HLCS: variants seen among roughly 807,000 people sequenced by gnomAD.
HLCS encodes the protein biotin--protein ligase.
HLCS carries 53 observed loss-of-function variants against 75.0 expected under a neutral mutation model. That is an observed-to-expected ratio of 0.71 (90% CI 0.57 to 0.89). The LOEUF (loss-of-function observed/expected upper bound fraction) is 0.89. Ranked by LOEUF, HLCS falls within the 40% of genes least tolerant of loss-of-function variation. The pLI, the probability that HLCS is intolerant of heterozygous loss-of-function variation, is 0.00. For missense variants in HLCS, 966 were observed against 1,074.0 expected, an observed-to-expected ratio of 0.90 and a Z score of 1.41; for synonymous variants, 431 against 428.6, an observed-to-expected ratio of 1.01 and a Z score of -0.07.
intron 6 of HLCS, among the ~76,000 whole-genome samples, chr21:36,875,549 T>A (rs564370021): frequency 6.6e-6 from 1 of 152,298 alleles, no homozygotes; most frequent in South Asian, 2.1e-4. Context: ...TGGGATAACA[T>A]GTCTGCGGAA....
chr21:36,773,527 G>A (rs1282004384), intron 6 of HLCS, among the ~76,000 whole-genome samples: 3 of 152,368 alleles, frequency 2.0e-5, no homozygotes, highest in Non-Finnish European at 4.4e-5. Flanking sequence ...GGTGTGAGGC[G>A]ACCTCGAAGT....
intron 5 of HLCS, among the ~76,000 whole-genome samples, chr21:36,921,978 C>A (rs1027065800): frequency 6.6e-5 from 10 of 152,144 alleles, no homozygotes; most frequent in Admixed American, 6.5e-4. Context: ...TTAAAACAGA[C>A]ATATGCACTT....
chr21:36,820,998 C>T (rs757394846), intron 6 of HLCS, among the ~76,000 whole-genome samples: 2 of 152,140 alleles, frequency 1.3e-5, no homozygotes, highest in South Asian at 2.1e-4. Flanking sequence ...GCGCCTGGGA[C>T]GTGAGGGTGC....
At chr21:36,794,486 G>A (rs1227781862) in intron 6 of HLCS, among the ~76,000 whole-genome samples, 1 of 152,172 alleles carries the variant, frequency 6.6e-6, no homozygotes, top group Admixed American at 6.5e-5. Flanking sequence ...TGGGATTGGA[G>A]AGGAACAAAA....
At chr21:36,790,058 G>A (rs2060810820) in intron 6 of HLCS, among the ~76,000 whole-genome samples, 1 of 152,196 alleles carries the variant, frequency 6.6e-6, no homozygotes, top group South Asian at 2.1e-4. Flanking sequence ...GTTTGAACAA[G>A]GCTTAAAAGT....
At chr21:36,965,731 A>ATTT (rs35275580) in intron 1 of HLCS, among the ~76,000 whole-genome samples, 10 of 142,008 alleles carry the variant, frequency 7.0e-5, no homozygotes, top group Non-Finnish European at 6.1e-5. Flanking sequence ...TTTGTTTGGG[A>ATTT]TTTTTTTTTT....
chr21:36,756,761 C>T lies in HLCS; in HGVS notation c.2237-6G>A, dbSNP rs201208730. The T allele has an allele frequency of 6.2e-7, 1 of 1,614,026 alleles. No individual in the cohort carries two copies. Among genetic ancestry groups the T allele is most frequent in the East Asian group, 2.2e-5 (1 of 44,870 alleles). Reference sequence around the variant, plus strand: ...AGTCACATTAAATCCACAGCCTGGACAAAAACAAACAATTGAGCAGCTCAG... The same window carrying T: ...AGTCACATTAAATCCACAGCCTGGATAAAAACAAACAATTGAGCAGCTCAG... On this transcript the variant is annotated splice_polypyrimidine_tract_variant and splice_region_variant and intron_variant, in intron 9 of 10. Coordinates refer to ENST00000674895, the MANE Select transcript of HLCS (RefSeq NM_001352514.2).
intron 2 of HLCS, among the ~76,000 whole-genome samples, chr21:36,953,804 T>G (rs548775894): frequency 2.0e-5 from 3 of 152,240 alleles, no homozygotes; most frequent in Admixed American, 2.0e-4. Flanking sequence ...ACTTCAAGCT[T>G]ACCATATTTG....
At chr21:36,827,679 G>A (rs80185617) in intron 6 of HLCS, among the ~76,000 whole-genome samples, 5,487 of 151,972 alleles carry the variant, frequency 0.036, 147 homozygotes, top group African/African-American at 0.074. Context: ...GTTCTCCGGG[G>A]GCAATACTTC....
At chr21:36,767,348 C>A (rs558948602) in intron 6 of HLCS, 63 bp from the exon 7 acceptor site, 1 of 1,497,426 alleles carries the variant, frequency 6.7e-7, no homozygotes. Context: ...ACCAATGGCT[C>A]ACACAGGAGG....
At chr21:36,855,003 T>C (rs2063137371) in intron 6 of HLCS, among the ~76,000 whole-genome samples, 1 of 151,900 alleles carries the variant, frequency 6.6e-6, no homozygotes, top group Non-Finnish European at 1.5e-5. Flanking sequence ...TTTCGCACTC[T>C]GAGACCAGAT....
intron 5 of HLCS, among the ~76,000 whole-genome samples, chr21:36,911,748 C>CAAAAAA (rs11287408): frequency 6.3e-5 from 3 of 47,836 alleles, no homozygotes; most frequent in African/African-American, 9.2e-5. Context: ...GACTCCGTCT[C>CAAAAAA]AAAAAAAAAA....
intron 1 of HLCS, chr21:36,981,098 C>T (rs1032934514): frequency 2.6e-5 from 4 of 152,372 alleles, no homozygotes; most frequent in African/African-American, 9.6e-5. Flanking sequence ...ACCCACCCAC[C>T]TTGATAACTG....
intron 10 of HLCS, among the ~76,000 whole-genome samples, chr21:36,755,980 TCTCA>T (rs1471827688): frequency 6.6e-6 from 1 of 152,224 alleles, no homozygotes; most frequent in African/African-American, 2.4e-5. Flanking sequence ...TGTTAAACTC[TCTCA>T]CTATTTCGGT....
rs946075788 is a variant in HLCS at position 36,972,076 on chromosome 21, G to A, written c.-392-9906C>T. On this transcript the variant is annotated intron_variant, in intron 1 of 11. Coordinates refer to the HLCS transcript ENST00000336648. ...AGCTGGGATTCCGAAGCACAGAGTC[G>A]CGGGAGAGAACCAAAGCTCATCGCA... is the stretch of plus-strand genomic sequence containing the variant. The A allele has an allele frequency of 5.3e-5, 8 of 152,134 alleles. No individual in the cohort carries two copies. The East Asian group carries it at 1.2e-3, about 22-fold the overall frequency. 9.4% of individuals were successfully genotyped at this position (152,134 alleles called of 1,614,324 possible).
intron 6 of HLCS, among the ~76,000 whole-genome samples, chr21:36,855,380 A>T (rs1037658973): frequency 1.9e-4 from 26 of 134,928 alleles, no homozygotes; most frequent in East Asian, 6.2e-4. Flanking sequence ...AAAATAAAAA[A>T]AAAAAAAATT....
intron 6 of HLCS, among the ~76,000 whole-genome samples, chr21:36,801,919 C>T (rs1215076920): frequency 1.3e-5 from 2 of 151,996 alleles, no homozygotes; most frequent in Non-Finnish European, 2.9e-5. Context: ...CAGGTGTGAG[C>T]CACTGCATTC....
intron 5 of HLCS, among the ~76,000 whole-genome samples, chr21:36,900,118 AAACAAAAAAC>A (rs1369428737): frequency 2.0e-5 from 3 of 152,112 alleles, no homozygotes; most frequent in African/African-American, 4.8e-5. Flanking sequence ...AAAAAACAAA[AAACAAAAAAC>A]AACAAAAAAA....
In HLCS at chr21:36,754,476, T is replaced by C. The variant is rs2089481830; in HGVS notation, c.2451-59A>G. On this transcript the variant is annotated intron_variant, in intron 10 of 10. Transcript: ENST00000674895. ...GGTGTCACAGGACGACTTAAGACAA[T>C]GAGCTGAAGAATAATCCATGATGAG... is the stretch of plus-strand genomic sequence containing the variant. 3 of 1,539,000 alleles carry C rather than the reference T, an allele frequency of 1.9e-6. No individual in the cohort carries two copies. The East Asian group carries it at 6.8e-5, about 35-fold the overall frequency.
Sources: allele counts gnomAD v4.1 joint callset (sites outside exome capture counted in the v4.1 genomes callset), GRCh38; gene constraint gnomAD v4.1.1; transcripts MANE v1.5; gene names NCBI Gene and HGNC (gene_info 2026-07-23, HGNC 2026-07-21).